The following SLIT1 variants were observed in gnomAD, a reference collection of about 807,000 sequenced individuals.
SLIT1 encodes the protein slit guidance ligand 1.
Under a neutral mutation model 186.1 loss-of-function variants are expected in SLIT1, and 66 were observed. The observed-to-expected ratio is 0.35, with a 90% CI of 0.29 to 0.44. The LOEUF is 0.44. SLIT1 is among the 20% of genes least tolerant of loss of function. The pLI, the probability that SLIT1 is intolerant of heterozygous loss-of-function variation, is 1.00. For missense variants in SLIT1, 1,638 were observed against 2,037.4 expected, an observed-to-expected ratio of 0.80 and a Z score of 3.77; for synonymous variants, 761 against 833.8, an observed-to-expected ratio of 0.91 and a Z score of 1.50.
chr10:97,013,594 G>A (rs920591345), intron 30 of SLIT1, 147 bp downstream of exon 30: 6 of 649,162 alleles, frequency 9.2e-6, no homozygotes, highest in Admixed American at 2.6e-5. Context: ...CCACAACCCC[G>A]CATGGATTCT....
Position 96,998,462 on chromosome 10 carries a change from C to G in SLIT1, c.*2650G>C, listed in dbSNP as rs1005923000. 16 of 152,254 alleles carry G rather than the reference C, an allele frequency of 1.1e-4. No individual in the cohort carries two copies. Among genetic ancestry groups the G allele is most frequent in the African/African-American group, 3.9e-4 (16 of 41,454 alleles). 9.4% of individuals were successfully genotyped at this position (152,254 alleles called of 1,614,324 possible). A position where few individuals can be genotyped will look rare whatever the true frequency, so the allele number is the denominator to read the frequency against. ...GGCCACAGCTCCCTCCGGACGCACC[C>G]TGCTGTATCTCTTCATGCCTAAAAT... is the stretch of plus-strand genomic sequence containing the variant. On this transcript the variant is annotated 3_prime_UTR_variant, in exon 37 of 37. Coordinates refer to ENST00000266058, the MANE Select transcript of SLIT1 (RefSeq NM_003061.3).
At chr10:97,113,531 C>A (rs1367454228) in intron 4 of SLIT1, among the ~76,000 whole-genome samples, 1 of 150,534 alleles carries the variant, frequency 6.6e-6, no homozygotes, top group African/African-American at 2.5e-5. Context: ...AGCCACCATG[C>A]TCAGCCCCAA....
intron 4 of SLIT1, among the ~76,000 whole-genome samples, chr10:97,106,495 C>T (rs1394532387): frequency 6.6e-6 from 1 of 152,188 alleles, no homozygotes; most frequent in Admixed American, 6.5e-5. Flanking sequence ...GTCTGCCAGA[C>T]TGCAAAGGAA....
At chr10:97,037,259 T>C (rs1848649032) in intron 22 of SLIT1, among the ~76,000 whole-genome samples, 1 of 152,000 alleles carries the variant, frequency 6.6e-6, no homozygotes, top group Non-Finnish European at 1.5e-5. Context: ...CATGCCCGGC[T>C]AATTTTGTAT....
chr10:97,133,423 T>C (rs1849673126), intron 4 of SLIT1, among the ~76,000 whole-genome samples: 1 of 152,238 alleles, frequency 6.6e-6, no homozygotes, highest in South Asian at 2.1e-4. Context: ...AGACAAACAC[T>C]GGATGATTCC....
chr10:97,040,068 G>A lies in SLIT1; in HGVS notation c.2217C>T (p.Ala739=), dbSNP rs1848676881. 4 of 1,610,498 alleles carry A rather than the reference G, an allele frequency of 2.5e-6. No individual in the cohort carries two copies. The highest frequency in any genetic ancestry group is 1.3e-5 in the African/African-American group (1 of 74,860). Residue 739 remains alanine (A), a synonymous_variant, in exon 21 of 37, where the codon GCC becomes GCT. Transcript: ENST00000266058. ...TGCATCGGACCACGGTGTCCAGGCA[G>A]GCGCACTCCTGTGGGCACTGTGGGC... ...LPRPQCPQEC[A]CLDTVVRCSN...
At chr10:97,088,766 A>T (rs998953607) in intron 4 of SLIT1, among the ~76,000 whole-genome samples, 1 of 152,204 alleles carries the variant, frequency 6.6e-6, no homozygotes, top group Non-Finnish European at 1.5e-5. Flanking sequence ...AGAAGCCAGG[A>T]ACCAGGGCTG....
rs1848388628 is a variant in SLIT1 at position 97,009,059 on chromosome 10, A to G, written c.3341+1934T>C. 4.6e-5 allele frequency among the ~76,000 whole-genome samples: 7 copies of G among 151,728 alleles called. No homozygotes were observed. The South Asian group carries it at 1.5e-3, about 32-fold the overall frequency. ...CATGCCTGGTTAATTTTTGTATTTT[A>G]ATAGAGGTGGGGTTTCACTGTGTTA... On this transcript the variant is annotated intron_variant, in intron 31 of 36. Transcript: ENST00000266058.
intron 1 of SLIT1, among the ~76,000 whole-genome samples, chr10:97,183,294 C>T (rs765744025): frequency 1.1e-4 from 17 of 152,188 alleles, no homozygotes; most frequent in African/African-American, 2.9e-4. Flanking sequence ...TCCCTGCTGA[C>T]GCCTCAGCAC....
chr10:97,145,053 G>T, intron 4 of SLIT1, among the ~76,000 whole-genome samples: 1 of 152,292 alleles, frequency 6.6e-6, no homozygotes, highest in Middle Eastern at 3.4e-3. Flanking sequence ...CAGCAGAGCT[G>T]CCTTTGGGGT....
chr10:97,026,494 A>AAATG (rs767123493), intron 25 of SLIT1, among the ~76,000 whole-genome samples: 1 of 135,680 alleles, frequency 7.4e-6, no homozygotes, highest in Non-Finnish European at 1.7e-5. Context: ...ATAAATAAAT[A>AAATG]AATAAATGTG....
At chr10:97,134,549 C>T (rs1449619013) in intron 4 of SLIT1, among the ~76,000 whole-genome samples, 1 of 152,136 alleles carries the variant, frequency 6.6e-6, no homozygotes, top group Non-Finnish European at 1.5e-5. Context: ...CACCCTAAGC[C>T]CGAGCTGCAG....
intron 4 of SLIT1, chr10:97,102,355 A>C (rs888151705): frequency 2.1e-5 from 3 of 143,298 alleles, no homozygotes; most frequent in African/African-American, 7.9e-5. Flanking sequence ...CAGGAGGCGG[A>C]GGTTGCAATG....
intron 4 of SLIT1, among the ~76,000 whole-genome samples, chr10:97,156,075 G>A (rs1041114496): frequency 5.3e-5 from 8 of 152,218 alleles, no homozygotes; most frequent in Middle Eastern, 3.2e-3. Context: ...CACTGTGTAT[G>A]CCTGGCACAG....
Position 97,185,793 on chromosome 10 carries a change from G to A in SLIT1, c.-119C>T. ...GCCACCGAAGAGCCCGCGGGCTTGC[G>A]CGCGGCGCCCCTGCGGGCTGGGAGG... On this transcript the variant is annotated 5_prime_UTR_variant, in exon 1 of 37. Transcript: ENST00000266058. 3.3e-6 allele frequency: 3 copies of A among 911,622 alleles called. No individual in the cohort carries two copies. Among genetic ancestry groups the A allele is most frequent in the Non-Finnish European group, 4.6e-6 (3 of 658,124 alleles). The allele number at this position is 911,622 out of a possible 1,614,324, so 56.5% of individuals were successfully genotyped here. A position where few individuals can be genotyped will look rare whatever the true frequency, so the allele number is the denominator to read the frequency against.
chr10:97,171,174 G>T (rs970138683), intron 1 of SLIT1, among the ~76,000 whole-genome samples: 1 of 152,200 alleles, frequency 6.6e-6, no homozygotes, highest in Admixed American at 6.5e-5. Context: ...CTGCGGCGCT[G>T]AGAGTGTGCA....
intron 25 of SLIT1, among the ~76,000 whole-genome samples, chr10:97,027,505 TCA>T (rs376532122): frequency 3.9e-5 from 6 of 152,360 alleles, no homozygotes; most frequent in African/African-American, 9.6e-5. Context: ...AAGGTTTCTT[TCA>T]CACAGATGCT....
At chr10:97,059,343 T>C (rs898930749) in intron 11 of SLIT1, 117 bp downstream of exon 11, 20 of 807,046 alleles carry the variant, frequency 2.5e-5, no homozygotes, top group Non-Finnish European at 4.2e-5. Context: ...GGGCAGGGGC[T>C]GTGTGGAGGG....
rs185356616 is a variant in SLIT1, at chr10:97,050,883, G to A, written c.1302-1765C>T. ...CTATAAAACTTGAACCACCCACAGAGACAGGTGGCTTCTGTACAAACTTTA... is the reference window on the plus strand; with the variant it reads ...CTATAAAACTTGAACCACCCACAGAAACAGGTGGCTTCTGTACAAACTTTA... On this transcript the variant is annotated intron_variant, in intron 13 of 36. Transcript: ENST00000266058. Among the ~76,000 whole-genome samples, 200 of 152,322 alleles carry A rather than the reference G, an allele frequency of 1.3e-3. 1 individual carries two copies. The highest frequency in any genetic ancestry group is 4.6e-3 in the African/African-American group (193 of 41,572).
Sources: gnomAD v4.1 joint callset for allele counts (sites outside exome capture counted in the v4.1 genomes callset) on GRCh38, gnomAD v4.1.1 for gene constraint, MANE v1.5 for transcripts, NCBI Gene and HGNC (gene_info 2026-07-23, HGNC 2026-07-21) for gene names.